The following PRKCQ variants were observed in gnomAD, a reference collection of about 807,000 sequenced individuals.
PRKCQ encodes the protein protein kinase C theta type.
PRKCQ carries 41 observed loss-of-function variants against 91.2 expected under a neutral mutation model. The ratio of observed to expected loss-of-function variants is 0.45; its 90% CI spans 0.35 to 0.58. The LOEUF (loss-of-function observed/expected upper bound fraction) is 0.58. PRKCQ is among the 20% of genes least tolerant of loss of function. PRKCQ has a pLI of 0.00. For synonymous variants in PRKCQ, 307 were observed against 316.9 expected (o/e 0.97, Z 0.33); for missense variants, 673 against 896.5 (o/e 0.75, Z 3.18).
downstream of PRKCQ, among the ~76,000 whole-genome samples, chr10:6,424,887 G>C (rs145335281): frequency 2.6e-5 from 4 of 152,200 alleles, no homozygotes; most frequent in African/African-American, 9.6e-5. Flanking sequence ...ACTATACCCT[G>C]AGGTAAAGTT....
chr10:6,443,952 G>A (rs756710745), intron 15 of PRKCQ, among the ~76,000 whole-genome samples: 17 of 152,236 alleles, frequency 1.1e-4, no homozygotes, highest in Non-Finnish European at 4.4e-5. Flanking sequence ...AATAGTGGCT[G>A]CCAGGAGCTG....
At chr10:6,471,295 T>C (rs1835951399) in intron 12 of PRKCQ, among the ~76,000 whole-genome samples, 1 of 152,100 alleles carries the variant, frequency 6.6e-6, no homozygotes, top group South Asian at 2.1e-4. Flanking sequence ...ACAGAACATA[T>C]GAAAGAAGTC....
At chr10:6,514,856 G>A (rs1838671854) in intron 2 of PRKCQ, among the ~76,000 whole-genome samples, 162 bp downstream of exon 2, 1 of 152,180 alleles carries the variant, frequency 6.6e-6, no homozygotes, top group South Asian at 2.1e-4. Context: ...CGAAATGTGT[G>A]TCCATGAGGA....
At chr10:6,417,806 C>T in the PRKCQ span, among the ~76,000 whole-genome samples, 1 of 152,226 alleles carries the variant, frequency 6.6e-6, no homozygotes, top group East Asian at 1.9e-4. Context: ...CTCCATGTCC[C>T]TTGGCTCTCT....
chr10:6,523,444 C>T (rs540997243), intron 1 of PRKCQ, among the ~76,000 whole-genome samples: 1 of 152,108 alleles, frequency 6.6e-6, no homozygotes, highest in South Asian at 2.1e-4. Flanking sequence ...AAGCAAGACC[C>T]TTTTCAAAAT....
chr10:6,410,011 G>A, the PRKCQ span, among the ~76,000 whole-genome samples: 1 of 152,226 alleles, frequency 6.6e-6, no homozygotes, highest in South Asian at 2.1e-4. Context: ...GAAGAAGATT[G>A]GCAGAAGCTC....
rs77360866 is a variant in PRKCQ, at chr10:6,497,198, C to A, written c.574+22G>T. 7,567 of 1,614,168 alleles carry A rather than the reference C, an allele frequency of 4.7e-3. 53 individuals carry two copies. Among genetic ancestry groups the A allele is most frequent in the South Asian group, 0.02 (1,855 of 91,078 alleles). Reference sequence around the variant, plus strand: ...CTAAATAAAAAGAATGATGGTAATGCAACCAAAACCCTCTTACTTACGTCG... The same window carrying A: ...CTAAATAAAAAGAATGATGGTAATGAAACCAAAACCCTCTTACTTACGTCG... On this transcript the variant is annotated intron_variant, in intron 6 of 17. Coordinates refer to ENST00000263125, the MANE Select transcript of PRKCQ (RefSeq NM_006257.5). This position sits in a 1 kb window ranked among gnomAD's most constrained non-coding sequence, Gnocchi z 4.5.
At chr10:6,398,714 C>T in the PRKCQ span, among the ~76,000 whole-genome samples, 17,297 of 151,956 alleles carry the variant, frequency 0.11, 1,219 homozygotes, top group South Asian at 0.16. Context: ...GAGCAAGGAA[C>T]GAGTCACAAT....
intron 1 of PRKCQ, among the ~76,000 whole-genome samples, chr10:6,558,472 C>A (rs1001640657): frequency 6.6e-6 from 1 of 152,064 alleles, no homozygotes; most frequent in African/African-American, 2.4e-5. Flanking sequence ...GTTAGCTTGA[C>A]TAAAGTAAAG....
chr10:6,464,474 G>A (rs940335139), intron 12 of PRKCQ, 70 bp from the exon 13 acceptor site: 4 of 1,356,702 alleles, frequency 2.9e-6, no homozygotes, highest in South Asian at 1.2e-5. Context: ...GTCCAAGACA[G>A]GGTCTCACTC....
Position 6,464,423 on chromosome 10 carries a change from A to G in PRKCQ, c.1354-19T>C. The G allele has an allele frequency of 6.5e-7, 1 of 1,536,634 alleles. No homozygotes were observed. The highest frequency in any genetic ancestry group is 8.9e-7 in the Non-Finnish European group (1 of 1,120,934). ...GGTTTTCCTGTGGAAAAACAAAACA[A>G]TTCCAACTTTTATTTCATTTCATTT... On this transcript the variant is annotated intron_variant, in intron 12 of 17. Coordinates refer to ENST00000263125, the MANE Select transcript of PRKCQ (RefSeq NM_006257.5).
chr10:6,400,475 C>T, the PRKCQ span, among the ~76,000 whole-genome samples: 15 of 152,260 alleles, frequency 9.9e-5, no homozygotes, highest in Admixed American at 6.5e-5. Flanking sequence ...ATACGCAGGG[C>T]AGTCCCAGCC....
chr10:6,512,445 C>T (rs1040678727), intron 2 of PRKCQ, among the ~76,000 whole-genome samples: 12 of 152,356 alleles, frequency 7.9e-5, no homozygotes, highest in Admixed American at 5.2e-4. Context: ...TCCCTAAAGC[C>T]GCTCTGTGAT....
intron 1 of PRKCQ, among the ~76,000 whole-genome samples, chr10:6,577,473 C>T (rs1841286562): frequency 6.6e-6 from 1 of 152,130 alleles, no homozygotes; most frequent in South Asian, 2.1e-4. Flanking sequence ...ACAACAGAAA[C>T]AGCAAGCATG....
chr10:6,412,682 G>A, the PRKCQ span, among the ~76,000 whole-genome samples: 4 of 152,206 alleles, frequency 2.6e-5, no homozygotes, highest in Non-Finnish European at 5.9e-5. Flanking sequence ...GAGTCACTTG[G>A]TTATCCATTT....
chr10:6,516,657 T>C (rs974058121), intron 1 of PRKCQ, among the ~76,000 whole-genome samples: 13 of 152,230 alleles, frequency 8.5e-5, no homozygotes, highest in Non-Finnish European at 1.9e-4. Context: ...GTTTTTGCCC[T>C]GTTGGGACTT....
intron 7 of PRKCQ, among the ~76,000 whole-genome samples, chr10:6,492,316 G>C (rs1837361171): frequency 6.6e-6 from 1 of 151,980 alleles, no homozygotes. Flanking sequence ...AATGTGAGAA[G>C]CATTTTCACA....
At chr10:6,562,130 G>A (rs757335989) in intron 1 of PRKCQ, among the ~76,000 whole-genome samples, 6 of 152,114 alleles carry the variant, frequency 3.9e-5, no homozygotes, top group African/African-American at 7.2e-5. Context: ...GGATTGAGGT[G>A]GACGCTCGTG....
intron 17 of PRKCQ, among the ~76,000 whole-genome samples, chr10:6,429,407 G>C (rs935945019): frequency 7.9e-5 from 12 of 152,230 alleles, no homozygotes; most frequent in Non-Finnish European, 1.6e-4. Flanking sequence ...AGGCTGGCCT[G>C]TTGGGTCCTT....
Sources: allele counts gnomAD v4.1 joint callset (sites outside exome capture counted in the v4.1 genomes callset), GRCh38; gene constraint gnomAD v4.1.1; non-coding constraint Gnocchi (gnomAD v3.1); transcripts MANE v1.5; gene names NCBI Gene and HGNC (gene_info 2026-07-23, HGNC 2026-07-21).